The following PRUNE2 variants were observed in gnomAD, a reference collection of about 807,000 sequenced individuals.
PRUNE2 encodes protein prune homolog 2.
PRUNE2 carries 164 observed loss-of-function variants against 252.0 expected under a neutral mutation model. That is an observed-to-expected ratio of 0.65 (90% CI 0.57 to 0.74). The LOEUF (loss-of-function observed/expected upper bound fraction) is 0.74, where lower values mean the gene tolerates loss of function less well. Ranked by LOEUF, PRUNE2 falls within the 30% of genes least tolerant of loss-of-function variation. The pLI is 0.00. For missense variants in PRUNE2, 3,495 were observed against 3,711.0 expected, an observed-to-expected ratio of 0.94 and a Z score of 1.51; for synonymous variants, 1,292 against 1,350.2, an observed-to-expected ratio of 0.96 and a Z score of 0.94.
chr9:76,637,618 C>T lies in PRUNE2; in HGVS notation c.8832-69G>A, dbSNP rs546200996. 4.5e-5 allele frequency: 64 copies of T among 1,408,924 alleles called. No homozygotes were observed. In the African/African-American group the frequency reaches 6.9e-4, roughly 15 times the overall value. 87.3% of individuals were successfully genotyped at this position (1,408,924 alleles called of 1,614,324 possible). ...TATTGACACCATAATTACATAACAT[C>T]AAAAGTACAGGGTGTATGAAATTTA... On this transcript the variant is annotated intron_variant, in intron 13 of 18. Transcript: ENST00000376718.
intron 6 of PRUNE2, chr9:76,786,579 C>T (rs1457846733): frequency 3.3e-5 from 5 of 152,234 alleles, no homozygotes; most frequent in Non-Finnish European, 4.4e-5. Flanking sequence ...TTTTCTCCAA[C>T]ACATCGCTTA....
In PRUNE2 at chr9:76,807,051, T is replaced by TGTGTGTGTGC. The variant is rs60768420; in HGVS notation, c.756+16580_756+16581insGCACACACAC. Among the ~76,000 whole-genome samples the TGTGTGTGTGC allele has an allele frequency of 2.3e-3, 327 of 139,440 alleles. 2 individuals are homozygous for TGTGTGTGTGC. Among genetic ancestry groups the TGTGTGTGTGC allele is most frequent in the African/African-American group, 8.5e-3 (309 of 36,156 alleles). The allele number at this position is 139,440 out of a possible 152,430, so 91.5% of individuals were successfully genotyped here. On this transcript the variant is annotated intron_variant, in intron 6 of 18. Transcript: ENST00000376718. The stretch of plus-strand genomic sequence containing the variant: ...GTGTGTGTGTGTGTGTGTGTGTGTG[T>TGTGTGTGTGC]GCGCGCGCGCGTGTGTCTGTCTCTC...
intron 6 of PRUNE2, among the ~76,000 whole-genome samples, chr9:76,762,319 A>G (rs1241964539): frequency 2.6e-5 from 4 of 152,218 alleles, no homozygotes; most frequent in Non-Finnish European, 2.9e-5. Flanking sequence ...GTGTGTTAAC[A>G]TAGGAAGCAG....
At chr9:76,680,110 A>T (rs993677454) in intron 9 of PRUNE2, among the ~76,000 whole-genome samples, 2 of 152,244 alleles carry the variant, frequency 1.3e-5, no homozygotes, top group Non-Finnish European at 2.9e-5. Context: ...TATATCTGAT[A>T]AGGGGTTAAT....
At chr9:76,863,515 G>A (rs148444511) in intron 1 of PRUNE2, among the ~76,000 whole-genome samples, 33 of 152,116 alleles carry the variant, frequency 2.2e-4, no homozygotes, top group Non-Finnish European at 3.7e-4. Context: ...TTCAACTCTG[G>A]TAACATCAAT....
At chr9:76,801,197 T>C (rs115799508) in intron 6 of PRUNE2, among the ~76,000 whole-genome samples, 1,738 of 152,364 alleles carry the variant, frequency 0.011, 38 homozygotes, top group African/African-American at 0.039. Flanking sequence ...CATGACAGTA[T>C]TGCATTAGGA....
rs1827871794 is a variant in PRUNE2 at position 76,612,871 on chromosome 9, A to G, written c.*1699T>C. 6.6e-6 allele frequency: 1 copy of G among 152,142 alleles called. No individual in the cohort carries two copies. The highest frequency in any genetic ancestry group is 2.4e-5 in the African/African-American group (1 of 41,432). The allele number at this position is 152,142 out of a possible 1,614,324, so 9.4% of individuals were successfully genotyped here. The stretch of plus-strand genomic sequence containing the variant: ...CAAGCTCCTTCTACCCAGGACTCCA[A>G]ATATCCTGGACAGCTCTCCCCAATG... On this transcript the variant is annotated 3_prime_UTR_variant, in exon 19 of 19. Transcript: ENST00000376718.
At chr9:76,776,127 C>A (rs1435569733) in intron 6 of PRUNE2, among the ~76,000 whole-genome samples, 2 of 152,134 alleles carry the variant, frequency 1.3e-5, no homozygotes, top group Admixed American at 1.3e-4. Flanking sequence ...AGACAGTAAG[C>A]ACAAATGAAA....
At chr9:76,693,641 A>C (rs1022900079) in intron 9 of PRUNE2, among the ~76,000 whole-genome samples, 2 of 151,876 alleles carry the variant, frequency 1.3e-5, no homozygotes, top group Non-Finnish European at 2.9e-5. Context: ...ACGGGGTTTC[A>C]TCATATTGGT....
intron 9 of PRUNE2, among the ~76,000 whole-genome samples, chr9:76,678,706 G>A (rs2043069297): frequency 6.6e-5 from 10 of 152,028 alleles, no homozygotes; most frequent in Admixed American, 6.5e-4. Context: ...GCGGGCGCCT[G>A]TAGTCCCAGC....
chr9:76,629,035 G>C (rs1173495190), intron 16 of PRUNE2, among the ~76,000 whole-genome samples, 157 bp downstream of exon 16: 1 of 151,954 alleles, frequency 6.6e-6, no homozygotes, highest in Non-Finnish European at 1.5e-5. Flanking sequence ...GTAGGAATGG[G>C]GTTTTGCTAT....
At chr9:76,699,999 A>ACC (rs1434126720) in intron 9 of PRUNE2, among the ~76,000 whole-genome samples, 1 of 152,206 alleles carries the variant, frequency 6.6e-6, no homozygotes, top group African/African-American at 2.4e-5. Context: ...CTGGAGGATG[A>ACC]CCAAGGTGTT....
At chr9:76,700,856 C>T (rs2045823499) in intron 9 of PRUNE2, among the ~76,000 whole-genome samples, 2 of 152,098 alleles carry the variant, frequency 1.3e-5, no homozygotes, top group Admixed American at 6.5e-5. Flanking sequence ...GCAGGGTTGC[C>T]CTATGTAAAG....
Position 76,826,741 on chromosome 9 carries a change from T to A in PRUNE2, c.509-9A>T. On this transcript the variant is annotated splice_polypyrimidine_tract_variant and intron_variant, in intron 4 of 18. Transcript: ENST00000376718. The stretch of plus-strand genomic sequence containing the variant: ...CTTGAAAAGAATGCTACCTGAAAGG[T>A]ATGAATAAAAATGCTCTTAAAGCTT... 6.3e-7 allele frequency: 1 copy of A among 1,592,690 alleles called. No homozygotes were observed. Among genetic ancestry groups the A allele is most frequent in the Non-Finnish European group, 8.6e-7 (1 of 1,167,436 alleles).
intron 4 of PRUNE2, among the ~76,000 whole-genome samples, chr9:76,841,653 T>TC (rs2059400817): frequency 1.3e-5 from 2 of 152,154 alleles, no homozygotes; most frequent in Non-Finnish European, 2.9e-5. Flanking sequence ...TAGGTGGTTT[T>TC]CCCCTCATAG....
chr9:76,667,012 C>G (rs1249729320), intron 9 of PRUNE2, among the ~76,000 whole-genome samples: 3 of 152,160 alleles, frequency 2.0e-5, no homozygotes, highest in African/African-American at 7.2e-5. Context: ...CATCATTACA[C>G]TCCAGCCTGG....
rs117884044 is a variant in PRUNE2 at position 76,886,352 on chromosome 9, C to T, written c.36+19576G>A. Among the ~76,000 whole-genome samples the T allele has an allele frequency of 3.9e-4, 60 of 152,268 alleles. No homozygotes were observed. The East Asian group carries it at 0.011, about 28-fold the overall frequency. On this transcript the variant is annotated intron_variant, in intron 1 of 18. Transcript: ENST00000376718. ...AACTGAACTTGACATTCTAATTCCA[C>T]GACCCTTGTTCTTTTCCTTTCACCT... is the stretch of plus-strand genomic sequence containing the variant.
At chr9:76,747,558 C>T (rs1156938541) in intron 6 of PRUNE2, among the ~76,000 whole-genome samples, 6 of 152,184 alleles carry the variant, frequency 3.9e-5, no homozygotes, top group Non-Finnish European at 8.8e-5. Flanking sequence ...TCAATTCAAA[C>T]TCGGTTCTGG....
chr9:76,789,631 C>T (rs2055360977), intron 6 of PRUNE2, among the ~76,000 whole-genome samples: 1 of 152,160 alleles, frequency 6.6e-6, no homozygotes, highest in South Asian at 2.1e-4. Flanking sequence ...AGGAACTCTT[C>T]AATTAGATAC....
Sources: gnomAD v4.1 joint callset for allele counts (sites outside exome capture counted in the v4.1 genomes callset) on GRCh38, gnomAD v4.1.1 for gene constraint, MANE v1.5 for transcripts, NCBI Gene and HGNC (gene_info 2026-07-23, HGNC 2026-07-21) for gene names.